Variants in ART3 observed in about 807,000 individuals in gnomAD.
ART3 encodes the protein ecto-ADP-ribosyltransferase 3.
Under a neutral mutation model 48.5 loss-of-function variants are expected in ART3, and 49 were observed. The observed-to-expected ratio is 1.01, with a 90% CI of 0.80 to 1.28. The LOEUF (loss-of-function observed/expected upper bound fraction) is 1.28, where lower values mean the gene tolerates loss of function less well. Ranked by LOEUF, ART3 falls within the 50% of genes most tolerant of loss-of-function variation. The pLI is 0.00. For synonymous variants in ART3, 145 were observed against 157.2 expected (o/e 0.92, Z 0.58); for missense variants, 438 against 454.3 (o/e 0.96, Z 0.33).
In ART3 at chr4:76,107,780, T is replaced by TA; in HGVS notation, c.1024dup (p.Ile342AsnfsTer51). On this transcript the variant is annotated frameshift_variant, in exon 11 of 12. Transcript: ENST00000355810. LOFTEE classifies it low-confidence loss of function (END_TRUNC). ...TTTTAGAAGATAAAAGTCAAGGAAA[T>TA]ATCAACAATCCTAGTAAGAAGTATC... is the stretch of plus-strand genomic sequence containing the variant. 2 of 1,477,808 alleles carry TA rather than the reference T, an allele frequency of 1.4e-6. No individual in the cohort carries two copies. Among genetic ancestry groups the TA allele is most frequent in the Non-Finnish European group, 1.8e-6 (2 of 1,085,840 alleles). The allele number at this position is 1,477,808 out of a possible 1,614,324, so 91.5% of individuals were successfully genotyped here. A position where few individuals can be genotyped will look rare whatever the true frequency, so the allele number is the denominator to read the frequency against.
At chr4:76,083,810 A>G (rs973420822) in intron 3 of ART3, among the ~76,000 whole-genome samples, 3 of 152,182 alleles carry the variant, frequency 2.0e-5, no homozygotes, top group Non-Finnish European at 2.9e-5. Context: ...GGAAGGGGGT[A>G]ATTATCCTTT....
intron 1 of ART3, chr4:76,036,633 T>G (rs1392741465): frequency 1.3e-5 from 2 of 151,816 alleles, no homozygotes; most frequent in Non-Finnish European, 2.9e-5. Context: ...AATTTTTACT[T>G]TATATATTTT....
Position 76,021,774 on chromosome 4 carries a change from C to T in ART3, c.-10+10454C>T. 3 of 730,042 alleles carry T rather than the reference C, an allele frequency of 4.1e-6. No homozygotes were observed. The South Asian group carries it at 4.9e-5, about 12-fold the overall frequency. The allele number at this position is 730,042 out of a possible 1,614,324, so 45.2% of individuals were successfully genotyped here. ...AACCTTCCTACAGGAGTAGTAGCAG[C>T]TGATTTGGTGACCATCATTGGTCAC... On this transcript the variant is annotated intron_variant, in intron 1 of 9. Coordinates refer to the ART3 transcript ENST00000341029.
At chr4:76,068,601 G>C (rs1236368773) in intron 1 of ART3, among the ~76,000 whole-genome samples, 1 of 152,044 alleles carries the variant, frequency 6.6e-6, no homozygotes, top group Non-Finnish European at 1.5e-5. Flanking sequence ...ACAAAGGGGG[G>C]ACCAACAGGC....
intron 1 of ART3, among the ~76,000 whole-genome samples, chr4:76,033,528 C>T (rs1427075734): frequency 6.6e-6 from 1 of 152,126 alleles, no homozygotes. Flanking sequence ...TATCAAGACC[C>T]CCCAAGGCCG....
intron 1 of ART3, chr4:76,022,824 G>A: frequency 1.2e-6 from 2 of 1,605,648 alleles, no homozygotes; most frequent in Non-Finnish European, 1.7e-6. Context: ...ACTCCTGTAG[G>A]AAAAGAGGAA....
chr4:76,051,009 C>T (rs889477763), intron 1 of ART3, among the ~76,000 whole-genome samples: 59 of 152,348 alleles, frequency 3.9e-4, no homozygotes, highest in African/African-American at 1.3e-3. Flanking sequence ...CAAGCCCACG[C>T]GCAGCCCTGG....
chr4:76,032,837 C>T (rs975208810), intron 1 of ART3, among the ~76,000 whole-genome samples: 4 of 151,898 alleles, frequency 2.6e-5, no homozygotes, highest in East Asian at 1.9e-4. Context: ...CCGCCCGCTT[C>T]GGCCTCCCAA....
intron 11 of ART3, among the ~76,000 whole-genome samples, chr4:76,112,164 G>A (rs1729618736): frequency 6.6e-6 from 1 of 152,156 alleles, no homozygotes. Context: ...GTGGGGGTTG[G>A]CACCCCAACA....
intron 1 of ART3, among the ~76,000 whole-genome samples, chr4:76,057,826 G>A (rs183860544): frequency 6.6e-6 from 1 of 152,326 alleles, no homozygotes; most frequent in African/African-American, 2.4e-5. Context: ...AAAAGATTCA[G>A]TTATACTCTT....
upstream of ART3, among the ~76,000 whole-genome samples, chr4:76,072,100 G>T (rs911510554): frequency 6.6e-6 from 1 of 152,028 alleles, no homozygotes; most frequent in South Asian, 2.1e-4. Context: ...AAATTTTTTT[G>T]TAGAGACAAG....
chr4:76,026,617 C>T (rs1251626179), intron 1 of ART3, among the ~76,000 whole-genome samples: 1 of 152,210 alleles, frequency 6.6e-6, no homozygotes, highest in African/African-American at 2.4e-5. Context: ...ATATTCTCAG[C>T]TAGCTATAGG....
rs943985943 is a variant in ART3, at chr4:76,027,249, G to A, written c.-10+15929G>A. 5.9e-5 allele frequency among the ~76,000 whole-genome samples: 9 copies of A among 151,904 alleles called. No homozygotes were observed. In the South Asian group the frequency reaches 1.5e-3, roughly 25 times the overall value. ...GCCTGGGCAACAAGAGCGAAACTCC[G>A]TTTCAAAAAAAAGAAAAGAAAAAAA... is the stretch of plus-strand genomic sequence containing the variant. On this transcript the variant is annotated intron_variant, in intron 1 of 9. Transcript: ENST00000341029.
chr4:76,035,994 T>G (rs1056861895), intron 1 of ART3: 4 of 1,613,768 alleles, frequency 2.5e-6, no homozygotes, highest in Non-Finnish European at 3.4e-6. Flanking sequence ...TCATGTTTGT[T>G]TTTTGCTGTT....
At chr4:76,110,325 C>T (rs939517889) in intron 11 of ART3, among the ~76,000 whole-genome samples, 3 of 152,180 alleles carry the variant, frequency 2.0e-5, no homozygotes, top group Non-Finnish European at 2.9e-5. Flanking sequence ...ATAAGGTATA[C>T]AGGAGGATGT....
At chr4:76,055,786 T>A (rs532366546) in intron 1 of ART3, among the ~76,000 whole-genome samples, 15 of 152,342 alleles carry the variant, frequency 9.8e-5, no homozygotes, top group African/African-American at 2.6e-4. Flanking sequence ...ATGTGAGACT[T>A]GTTAAAACTT....
At chr4:76,021,389 TAAG>T (rs749147003) in intron 1 of ART3, 1 of 153,182 alleles carries the variant, frequency 6.5e-6, no homozygotes, top group Non-Finnish European at 1.5e-5. Flanking sequence ...TTTCATTAAA[TAAG>T]AATACTTACA....
chr4:76,101,042 G>T (rs1441081659), intron 8 of ART3, 23 bp downstream of exon 8: 2 of 1,612,406 alleles, frequency 1.2e-6, no homozygotes, highest in Admixed American at 3.4e-5. Context: ...TGTAAATTCT[G>T]GGGGCTTACA....
intron 1 of ART3, among the ~76,000 whole-genome samples, chr4:76,015,852 C>A (rs1732204332): frequency 6.6e-6 from 1 of 152,220 alleles, no homozygotes; most frequent in African/African-American, 2.4e-5. Flanking sequence ...TAGTCTGGAA[C>A]TCCTGGGCTC....
Sources: gnomAD v4.1 joint callset for allele counts (sites outside exome capture counted in the v4.1 genomes callset) on GRCh38, gnomAD v4.1.1 for gene constraint, MANE v1.5 for transcripts, NCBI Gene and HGNC (gene_info 2026-07-23, HGNC 2026-07-21) for gene names.